The following SP140 variants were observed in gnomAD, a reference collection of about 807,000 sequenced individuals.
The protein encoded by SP140 is nuclear body protein SP140.
In SP140, 81 loss-of-function variants were observed where a neutral mutation model predicts 125.0. The ratio of observed to expected loss-of-function variants is 0.65; its 90% CI spans 0.54 to 0.78. SP140 has a LOEUF of 0.78. SP140 is among the 30% of genes least tolerant of loss of function. The pLI, the probability that SP140 is intolerant of heterozygous loss-of-function variation, is 0.00. For missense variants in SP140, 858 were observed against 1,037.0 expected (o/e 0.83, Z 2.37); for synonymous variants, 312 against 354.0 (o/e 0.88, Z 1.33).
chr2:230,232,744 T>C (rs1462947746), intron 1 of SP140, among the ~76,000 whole-genome samples: 1 of 152,234 alleles, frequency 6.6e-6, no homozygotes, highest in Non-Finnish European at 1.5e-5. Flanking sequence ...TTATTAAAAA[T>C]CAATTTTGCC....
At chr2:230,253,617 T>C (rs948560007) in intron 11 of SP140, among the ~76,000 whole-genome samples, 200 bp downstream of exon 11, 3 of 152,068 alleles carry the variant, frequency 2.0e-5, no homozygotes. Flanking sequence ...AGCCCCTGAG[T>C]GGAGACCATA....
At chr2:230,311,102 T>C (rs2059293403) in intron 24 of SP140, 52 bp from the exon 25 acceptor site, 1 of 1,610,342 alleles carries the variant, frequency 6.2e-7, no homozygotes, top group Non-Finnish European at 8.5e-7. Context: ...CTCATGCATG[T>C]GGGCTCATTC....
exon 1 of SP140, chr2:230,203,172 T>C (rs1319277649): frequency 5.1e-6 from 1 of 195,638 alleles, no homozygotes; most frequent in East Asian, 1.2e-4. Flanking sequence ...GTGCAAGGTA[T>C]TAAAAAAACT....
the SP140 span, among the ~76,000 whole-genome samples, chr2:230,192,326 G>A: frequency 6.6e-6 from 1 of 152,144 alleles, no homozygotes; most frequent in African/African-American, 2.4e-5. Context: ...ATTCAAATAG[G>A]AAGAGAGGAA....
At chr2:230,193,727 A>G in the SP140 span, among the ~76,000 whole-genome samples, 1 of 152,102 alleles carries the variant, frequency 6.6e-6, no homozygotes, top group African/African-American at 2.4e-5. Flanking sequence ...GGAATCATGT[A>G]TTTTTCATCC....
In SP140 at chr2:230,297,503, C is replaced by A. The variant is rs770598735; in HGVS notation, c.2058+41C>A. 1.9e-6 allele frequency: 3 copies of A among 1,603,226 alleles called. No homozygotes were observed. In the South Asian group the frequency reaches 3.3e-5, roughly 18 times the overall value. On this transcript the variant is annotated intron_variant, in intron 22 of 26. Coordinates refer to ENST00000392045, the MANE Select transcript of SP140 (RefSeq NM_007237.5). Reference sequence around the variant, plus strand: ...GAACTACGACCCCCAGAATATTCCACTCCTTTCTCCAGGCATATGTTCTGT... The same window carrying A: ...GAACTACGACCCCCAGAATATTCCAATCCTTTCTCCAGGCATATGTTCTGT...
At chr2:230,253,680 C>G (rs994607076) in intron 11 of SP140, among the ~76,000 whole-genome samples, 2 of 152,066 alleles carry the variant, frequency 1.3e-5, no homozygotes, top group African/African-American at 4.8e-5. Context: ...AGGCTGGGGG[C>G]ACCAGAGAAG....
At chr2:230,287,146 A>G (rs1281251009) in intron 17 of SP140, among the ~76,000 whole-genome samples, 1 of 152,208 alleles carries the variant, frequency 6.6e-6, no homozygotes, top group Non-Finnish European at 1.5e-5. Context: ...ATCCTTAATT[A>G]CTATTTGGAA....
chr2:230,282,460 G>T (rs1007595444), intron 15 of SP140, among the ~76,000 whole-genome samples: 1 of 151,994 alleles, frequency 6.6e-6, no homozygotes, highest in Non-Finnish European at 1.5e-5. Context: ...CTGATTATTC[G>T]GACCCATGGG....
At chr2:230,212,998 C>T in intron 1 of SP140, 14 of 1,614,000 alleles carry the variant, frequency 8.7e-6, no homozygotes, top group Non-Finnish European at 1.2e-5. Context: ...ATTGGTGTGT[C>T]TCTGCTCTGC....
chr2:230,292,737 C>T lies in SP140; in HGVS notation c.1917C>T (p.Asn639=). ...AAGGAGGCCATGCAAGATCAAAGAA[C>T]TGGAGGCTGAGTGTGCGCTGTGGCG... is the stretch of plus-strand genomic sequence containing the variant. The part of the protein sequence containing the change: ...EIKGGHARSK[N]WRLSVRCGGW... The change falls in exon 20 of 27, where the codon AAC becomes AAT. Residue 639 remains asparagine (N), a synonymous_variant. Coordinates refer to ENST00000392045, the MANE Select transcript of SP140 (RefSeq NM_007237.5). 6.2e-7 allele frequency: 1 copy of T among 1,614,230 alleles called. No individual in the cohort carries two copies. The highest frequency in any genetic ancestry group is 8.5e-7 in the Non-Finnish European group (1 of 1,180,038).
chr2:230,297,567 C>T (rs371324636), intron 22 of SP140, 105 bp downstream of exon 22: 8 of 1,348,310 alleles, frequency 5.9e-6, no homozygotes, highest in Admixed American at 1.8e-5. Flanking sequence ...TCAGTCTCAG[C>T]TGGAGTATGT....
rs2053637225 is a variant in SP140, at chr2:230,269,718, G to C, written c.1327+100G>C. On this transcript the variant is annotated intron_variant, in intron 13 of 26. Coordinates refer to ENST00000392045, the MANE Select transcript of SP140 (RefSeq NM_007237.5). ...TTAAAGGAAGAGTCAAATATAAGGA[G>C]GAGCAGTGAAAGGAGAAGATTTCAG... The C allele has an allele frequency of 2.8e-6, 3 of 1,061,778 alleles. No individual in the cohort carries two copies. In the Admixed American group the frequency reaches 6.2e-5, roughly 22 times the overall value. The allele number at this position is 1,061,778 out of a possible 1,614,324, so 65.8% of individuals were successfully genotyped here.
At chr2:230,214,905 A>G (rs759211674) in intron 3 of SP140, 15 of 1,548,768 alleles carry the variant, frequency 9.7e-6, no homozygotes, top group South Asian at 4.5e-5. Flanking sequence ...GACTTTTACC[A>G]TAGCAACTTT....
chr2:230,302,460 T>C (rs1380601287), intron 22 of SP140, among the ~76,000 whole-genome samples: 3 of 152,192 alleles, frequency 2.0e-5, no homozygotes, highest in Non-Finnish European at 4.4e-5. Context: ...AGAATGATAC[T>C]GGGGGACTTC....
intron 22 of SP140, among the ~76,000 whole-genome samples, chr2:230,306,307 T>G (rs919847076): frequency 3.9e-5 from 6 of 152,124 alleles, no homozygotes; most frequent in Admixed American, 1.3e-4. Flanking sequence ...GGCCCCTGAG[T>G]GTCAGGTTCC....
chr2:230,314,433 G>C (rs189015506), downstream of SP140, among the ~76,000 whole-genome samples: 1 of 152,210 alleles, frequency 6.6e-6, no homozygotes, highest in South Asian at 2.1e-4. Context: ...AGTGGATCCT[G>C]GTCCAGGAAG....
At chr2:230,274,287 CTG>C (rs1388574707) in intron 15 of SP140, among the ~76,000 whole-genome samples, 2 of 152,098 alleles carry the variant, frequency 1.3e-5, no homozygotes, top group Admixed American at 6.6e-5. Flanking sequence ...AACCTATAAT[CTG>C]TTACTTTACA....
intron 18 of SP140, 152 bp from the exon 19 acceptor site, chr2:230,290,308 A>G: frequency 1.5e-6 from 1 of 686,390 alleles, no homozygotes. Flanking sequence ...TATGTATCAA[A>G]AATGCCACTT....
Sources: allele counts gnomAD v4.1 joint callset (sites outside exome capture counted in the v4.1 genomes callset), GRCh38; gene constraint gnomAD v4.1.1; transcripts MANE v1.5; gene names NCBI Gene and HGNC (gene_info 2026-07-23, HGNC 2026-07-21).